The following PLA2G2F variants were observed in gnomAD, a reference collection of about 807,000 sequenced individuals.
PLA2G2F encodes phospholipase A2 group IIF, also known as group IIF secretory phospholipase A2.
PLA2G2F carries 17 observed loss-of-function variants against 15.9 expected under a neutral mutation model. The ratio of observed to expected loss-of-function variants is 1.07; its 90% CI spans 0.73 to 1.60. The LOEUF (loss-of-function observed/expected upper bound fraction) is 1.60. Ranked by LOEUF, PLA2G2F falls within the 40% of genes most tolerant of loss-of-function variation. The pLI, the probability that PLA2G2F is intolerant of heterozygous loss-of-function variation, is 0.00. For missense variants in PLA2G2F, 299 were observed against 278.2 expected (o/e 1.07, Z -0.53); for synonymous variants, 119 against 106.5 (o/e 1.12, Z -0.72).
In PLA2G2F at chr1:20,148,383, G is replaced by GC. The variant is rs772019651; in HGVS notation, c.624dup (p.Ala209ArgfsTer48). 5.6e-5 allele frequency: 90 copies of GC among 1,611,446 alleles called. No homozygotes were observed. Among genetic ancestry groups the GC allele is most frequent in the African/African-American group, 4.5e-4 (34 of 74,828 alleles). On this transcript the variant is annotated frameshift_variant, in exon 5 of 5. Transcript: ENST00000375102. LOFTEE classifies it high-confidence loss of function. ...TCACCTGCAGTCACCAATCCCCAGCGCCCCCCGCCCCTCCCTAGAGCCTCT... is the reference window on the plus strand; with the variant it reads ...TCACCTGCAGTCACCAATCCCCAGCGCCCCCCCGCCCCTCCCTAGAGCCTCT...
rs549498570 is a variant in PLA2G2F at position 20,144,501 on chromosome 1, A to G, written c.315-79A>G. 58 of 991,408 alleles carry G rather than the reference A, an allele frequency of 5.9e-5. No individual in the cohort carries two copies. The East Asian group carries it at 1.5e-3, about 25-fold the overall frequency. The allele number at this position is 991,408 out of a possible 1,614,324, so 61.4% of individuals were successfully genotyped here. ...AACGTTTGACCTGCGAGAGACTGGAAGAGATGATCAGAGGTCTCTGCTGGT... is the reference window on the plus strand; with the variant it reads ...AACGTTTGACCTGCGAGAGACTGGAGGAGATGATCAGAGGTCTCTGCTGGT... On this transcript the variant is annotated intron_variant, in intron 3 of 4. Transcript: ENST00000375102.
Position 20,143,474 on chromosome 1 carries a change from C to G in PLA2G2F, c.198C>G (p.Leu66=). 1 of 1,614,048 alleles carries G rather than the reference C, an allele frequency of 6.2e-7. No individual in the cohort carries two copies. Among genetic ancestry groups the G allele is most frequent in the South Asian group, 1.1e-5 (1 of 91,072 alleles). ...SVLSTAHGSL[L]NLKAMVEAVT... is the part of the protein sequence containing the mutation. ...TGTCCACAGCTCACGGCAGCCTGCTCAACCTGAAGGCCATGGTGGAGGCCG... is the reference window on the plus strand; with the variant it reads ...TGTCCACAGCTCACGGCAGCCTGCTGAACCTGAAGGCCATGGTGGAGGCCG... The change falls in exon 3 of 5, where the codon CTC becomes CTG. Residue 66 remains leucine (L), a synonymous_variant. Transcript: ENST00000375102.
rs1377513741 is a variant in PLA2G2F, at chr1:20,139,476, C to T, written c.49C>T (p.Leu17=). Residue 17 remains leucine, a synonymous_variant, in exon 1 of 5, where the codon CTG becomes TTG. Coordinates refer to ENST00000375102, the MANE Select transcript of PLA2G2F (RefSeq NM_022819.4). Reference sequence around the variant, plus strand: ...CCCCAAAGGGTTCAAAAAGAAGGTGCTGGATAGATGCTTCTCTGGGTGGAG... The same window carrying T: ...CCCCAAAGGGTTCAAAAAGAAGGTGTTGGATAGATGCTTCTCTGGGTGGAG... ...ANPKGFKKKV[L]DRCFSGWRGP... 1 of 1,582,814 alleles carries T rather than the reference C, an allele frequency of 6.3e-7. No individual in the cohort carries two copies. Among genetic ancestry groups the T allele is most frequent in the Non-Finnish European group, 8.6e-7 (1 of 1,163,208 alleles).
chr1:20,139,478 G>A lies in PLA2G2F; in HGVS notation c.51G>A (p.Leu17=). ...CCAAAGGGTTCAAAAAGAAGGTGCT[G>A]GATAGATGCTTCTCTGGGTGGAGGG... ...ANPKGFKKKV[L]DRCFSGWRGP... is the part of the protein sequence containing the mutation. Residue 17 remains leucine, a synonymous_variant, in exon 1 of 5, where the codon CTG becomes CTA. Transcript: ENST00000375102. 1.3e-6 allele frequency: 2 copies of A among 1,583,098 alleles called. No individual in the cohort carries two copies. Among genetic ancestry groups the A allele is most frequent in the South Asian group, 1.2e-5 (1 of 86,438 alleles).
intron 4 of PLA2G2F, among the ~76,000 whole-genome samples, chr1:20,145,022 G>T (rs948090815): frequency 2.0e-5 from 3 of 152,148 alleles, no homozygotes; most frequent in Non-Finnish European, 4.4e-5. Context: ...AAGTTGCAGT[G>T]AGCCAAGATC....
Position 20,148,179 on chromosome 1 carries a change from T to C in PLA2G2F, c.425-11T>C, listed in dbSNP as rs868616712. The C allele has an allele frequency of 3.1e-6, 5 of 1,611,510 alleles. No individual in the cohort carries two copies. The Middle Eastern group carries it at 8.3e-4, about 266-fold the overall frequency. On this transcript the variant is annotated splice_polypyrimidine_tract_variant and intron_variant, in intron 4 of 4. Coordinates refer to ENST00000375102, the MANE Select transcript of PLA2G2F (RefSeq NM_022819.4). ...TTCATCCACAGCCTTTGCCACCCCA[T>C]CCCCCTGTAGGTGACCTCAACAAGA...
intron 1 of PLA2G2F, 66 bp from the exon 2 acceptor site, chr1:20,140,100 C>A: frequency 6.5e-7 from 1 of 1,529,364 alleles, no homozygotes; most frequent in Non-Finnish European, 9.0e-7. Flanking sequence ...AGGAAGGGAG[C>A]AGCAGGTCCA....
intron 4 of PLA2G2F, among the ~76,000 whole-genome samples, 185 bp downstream of exon 4, chr1:20,144,874 C>T (rs1217629920): frequency 1.3e-5 from 2 of 152,104 alleles, no homozygotes; most frequent in Non-Finnish European, 2.9e-5. Flanking sequence ...GTCAGGAGTT[C>T]GAGACCATCC....
chr1:20,145,019 A>C (rs565712912), intron 4 of PLA2G2F, among the ~76,000 whole-genome samples: 1 of 152,296 alleles, frequency 6.6e-6, no homozygotes, highest in African/African-American at 2.4e-5. Context: ...CAGAAGTTGC[A>C]GTGAGCCAAG....
At position 20,139,519 on chromosome 1, in the gene PLA2G2F, C is replaced by T. The variant is rs367999568; in HGVS notation, c.92C>T (p.Ala31Val). ...GGGTGGAGGGGCCCACGCTTCGGGG[C>T]CTCCTGTCCTTCAAGAACCTCCAGG... The part of the protein sequence containing the change: ...FSGWRGPRFG[A>V]SCPSRTSRSS... Residue 31 changes from alanine to valine, a missense_variant, in exon 1 of 5, where the codon GCC becomes GTC. Ala to Val is a moderately conservative substitution (Grantham distance 64). Coordinates refer to ENST00000375102, the MANE Select transcript of PLA2G2F (RefSeq NM_022819.4). 92 of 1,558,042 alleles carry T rather than the reference C, an allele frequency of 5.9e-5. No individual in the cohort carries two copies. The South Asian group carries it at 9.6e-4, about 16-fold the overall frequency.
chr1:20,146,820 C>G (rs2017618764), intron 4 of PLA2G2F, among the ~76,000 whole-genome samples: 1 of 152,122 alleles, frequency 6.6e-6, no homozygotes, highest in Admixed American at 6.5e-5. Context: ...AGATGCCCCC[C>G]TATTAAAGCA....
intron 2 of PLA2G2F, chr1:20,143,134 A>G (rs1378960884): frequency 1.4e-5 from 4 of 276,954 alleles, no homozygotes; most frequent in East Asian, 1.4e-4. Flanking sequence ...TGAGCACTCA[A>G]TGGATTCATG....
In PLA2G2F at chr1:20,139,653, C is replaced by T. The variant is rs976239030; in HGVS notation, c.116+110C>T. ...CTAAGAGTCCACGTGGTGGGCAGAA[C>T]CCCAAAGGGATCATTTAGTCAACCT... On this transcript the variant is annotated intron_variant, in intron 1 of 4. Coordinates refer to ENST00000375102, the MANE Select transcript of PLA2G2F (RefSeq NM_022819.4). 6.8e-5 allele frequency: 55 copies of T among 806,442 alleles called. 3 individuals carry two copies. In the South Asian group the frequency reaches 9.9e-4, roughly 15 times the overall value. 50.0% of individuals were successfully genotyped at this position (806,442 alleles called of 1,614,324 possible).
Position 20,148,446 on chromosome 1 carries a change from G to A in PLA2G2F, c.*45G>A. On this transcript the variant is annotated 3_prime_UTR_variant, in exon 5 of 5. Transcript: ENST00000375102. Reference sequence around the variant, plus strand: ...AGAGAGCGGGAGGAGGGTCTGGCTTGGGGACCAGACGAGGTGCAGGGAGGG... The same window carrying A: ...AGAGAGCGGGAGGAGGGTCTGGCTTAGGGACCAGACGAGGTGCAGGGAGGG... The A allele has an allele frequency of 6.5e-7, 1 of 1,533,406 alleles. No homozygotes were observed. Among genetic ancestry groups the A allele is most frequent in the African/African-American group, 1.4e-5 (1 of 73,518 alleles). 95.0% of individuals were successfully genotyped at this position (1,533,406 alleles called of 1,614,324 possible).
At chr1:20,143,633 G>A (rs763444273) in intron 3 of PLA2G2F, 43 bp downstream of exon 3, 4 of 1,600,890 alleles carry the variant, frequency 2.5e-6, no homozygotes, top group Middle Eastern at 1.7e-4. Context: ...GCCAAATGAG[G>A]ACAGCTGAAG....
At chr1:20,145,823 C>G (rs1247109977) in intron 4 of PLA2G2F, among the ~76,000 whole-genome samples, 1 of 151,848 alleles carries the variant, frequency 6.6e-6, no homozygotes, top group Non-Finnish European at 1.5e-5. Context: ...GTTGCCCAGG[C>G]TGGTCTTGAA....
At chr1:20,146,790 A>T (rs1361339752) in intron 4 of PLA2G2F, among the ~76,000 whole-genome samples, 1 of 152,130 alleles carries the variant, frequency 6.6e-6, no homozygotes, top group Non-Finnish European at 1.5e-5. Flanking sequence ...CATGAGGTGG[A>T]GGGGCTGGCC....
At chr1:20,143,425 C>A in intron 2 of PLA2G2F, 21 bp from the exon 3 acceptor site, 1 of 1,609,990 alleles carries the variant, frequency 6.2e-7, no homozygotes, top group Non-Finnish European at 8.5e-7. Flanking sequence ...GGGCTCAGAG[C>A]ACCCCCTGGT....
rs2017693927 is a variant in PLA2G2F at position 20,149,753 on chromosome 1, G to A, written c.*1352G>A. 1 of 152,524 alleles carries A rather than the reference G, an allele frequency of 6.6e-6. No individual in the cohort carries two copies. The highest frequency in any genetic ancestry group is 6.5e-5 in the Admixed American group (1 of 15,284). The allele number at this position is 152,524 out of a possible 1,614,324, so 9.4% of individuals were successfully genotyped here. ...GGCGTGGAGCTGGGGCTGAAGTGGA[G>A]GGGACGGCCCTGCGGCCCCCAGCAC... On this transcript the variant is annotated 3_prime_UTR_variant, in exon 5 of 5. Transcript: ENST00000375102.
Sources: allele counts gnomAD v4.1 joint callset (sites outside exome capture counted in the v4.1 genomes callset), GRCh38; gene constraint gnomAD v4.1.1; transcripts MANE v1.5; gene names NCBI Gene and HGNC (gene_info 2026-07-23, HGNC 2026-07-21).